Variants in CPD observed in about 807,000 individuals in gnomAD.
CPD encodes the protein carboxypeptidase D.
Under a neutral mutation model 138.3 loss-of-function variants are expected in CPD, and 69 were observed. That is an observed-to-expected ratio of 0.50 (90% CI 0.41 to 0.61). The LOEUF (loss-of-function observed/expected upper bound fraction) is 0.61, where lower values mean the gene tolerates loss of function less well. Among genes scored for constraint, CPD ranks in the 20% least tolerant of loss-of-function variants. The pLI, the probability that CPD is intolerant of heterozygous loss-of-function variation, is 0.00. For synonymous variants in CPD, 651 were observed against 642.1 expected, an observed-to-expected ratio of 1.01 and a Z score of -0.21; for missense variants, 1,432 against 1,733.3, an observed-to-expected ratio of 0.83 and a Z score of 3.09.
chr17:30,423,582 A>G lies in CPD; in HGVS notation c.1734A>G (p.Ile578Met), dbSNP rs1292100062. ...GAAGAGAACTGCTGTTGAACCTCAT[A>G]GAATACCTTTGTAAGAACTTTGGAA... The part of the protein sequence containing the change: ...VVGRELLLNL[I>M]EYLCKNFGTD... Residue 578 changes from isoleucine to methionine, a missense_variant, in exon 6 of 21, where the codon ATA becomes ATG. By Grantham distance (10) the Ile-to-Met change is conservative (BLOSUM62 1). Coordinates refer to ENST00000225719, the MANE Select transcript of CPD (RefSeq NM_001304.5). 1 of 1,612,372 alleles carries G rather than the reference A, an allele frequency of 6.2e-7. No homozygotes were observed. The highest frequency in any genetic ancestry group is 1.1e-5 in the South Asian group (1 of 90,864).
intron 8 of CPD, among the ~76,000 whole-genome samples, chr17:30,436,252 A>G (rs1006285682): frequency 3.9e-5 from 6 of 152,210 alleles, no homozygotes; most frequent in African/African-American, 4.8e-5. Flanking sequence ...AGTAGAGGCT[A>G]TCGTGAGCTA....
intron 2 of CPD, among the ~76,000 whole-genome samples, chr17:30,403,905 A>G (rs1191874931): frequency 6.6e-6 from 1 of 152,176 alleles, no homozygotes; most frequent in East Asian, 1.9e-4. Context: ...AAATTGAACT[A>G]CTTTTATTCA....
rs1046017853 is a variant in CPD at position 30,385,223 on chromosome 17, G to T, written c.981G>T (p.Trp327Cys). The change falls in exon 2 of 21, where the codon TGG (tryptophan) becomes TGT (cysteine). Residue 327 changes from tryptophan (W) to cysteine (C), a missense_variant. This residue lies in a region of CPD where 484 missense variants were observed against 477.2 expected (regional missense o/e 1.01). Transcript: ENST00000225719. ...ATGGAATCACAAACGGCGCACATTG[G>T]TATGATGTGGAAGGTATGCAAAGCA... ...FKDGITNGAHWYDVEGGMQDY... is the reference protein window; with the variant it reads ...FKDGITNGAHCYDVEGGMQDY... 6.2e-7 allele frequency: 1 copy of T among 1,613,946 alleles called. No individual in the cohort carries two copies. The highest frequency in any genetic ancestry group is 8.5e-7 in the Non-Finnish European group (1 of 1,179,888).
intron 2 of CPD, 35 bp from the exon 3 acceptor site, chr17:30,420,806 C>A: frequency 1.3e-6 from 2 of 1,560,958 alleles, no homozygotes; most frequent in Non-Finnish European, 1.7e-6. Flanking sequence ...AATTATTTTC[C>A]TTCTGAGAGT....
intron 1 of CPD, among the ~76,000 whole-genome samples, chr17:30,383,770 A>G (rs1911112772): frequency 6.6e-6 from 1 of 151,664 alleles, no homozygotes; most frequent in African/African-American, 2.4e-5. Flanking sequence ...TTATATATCA[A>G]CCCCCTTTAG....
chr17:30,433,236 T>C (rs924008677), intron 8 of CPD, among the ~76,000 whole-genome samples: 2 of 152,216 alleles, frequency 1.3e-5, no homozygotes, highest in African/African-American at 4.8e-5. Context: ...ATATGTTTTT[T>C]TGAAGTACAT....
At chr17:30,456,729 C>G (rs1913309612) in intron 17 of CPD, 1 of 462,640 alleles carries the variant, frequency 2.2e-6, no homozygotes, top group Non-Finnish European at 4.0e-6. Flanking sequence ...GTAATCCCAG[C>G]TACTTGGGAG....
intron 1 of CPD, 82 bp from the exon 2 acceptor site, chr17:30,384,907 T>C (rs1001671921): frequency 2.7e-6 from 4 of 1,488,366 alleles, no homozygotes; most frequent in South Asian, 1.3e-5. Context: ...AGTTTATTTC[T>C]AAAAGATTTT....
chr17:30,442,212 T>G, intron 9 of CPD, 96 bp from the exon 10 acceptor site: 1 of 1,139,704 alleles, frequency 8.8e-7, no homozygotes, highest in Non-Finnish European at 1.3e-6. Context: ...TGATAAGAGA[T>G]AAATTTGGCT....
intron 12 of CPD, among the ~76,000 whole-genome samples, chr17:30,446,428 T>C (rs1424395460): frequency 6.6e-6 from 1 of 152,278 alleles, no homozygotes; most frequent in African/African-American, 2.4e-5. Flanking sequence ...ATGCAGTGTT[T>C]GGTTTTTTGT....
chr17:30,419,961 G>A (rs1456427307), intron 2 of CPD, among the ~76,000 whole-genome samples: 1 of 152,196 alleles, frequency 6.6e-6, no homozygotes, highest in Non-Finnish European at 1.5e-5. Flanking sequence ...GAGGAAAGAT[G>A]ACCCTTAAAA....
At position 30,432,946 on chromosome 17, in the gene CPD, A is replaced by T. The variant is rs149832461; in HGVS notation, c.2127+1065A>T. 2.5e-3 allele frequency among the ~76,000 whole-genome samples: 377 copies of T among 152,284 alleles called. 1 individual carries two copies. Among genetic ancestry groups the T allele is most frequent in the African/African-American group, 8.7e-3 (360 of 41,574 alleles). ...AAAAATAAAAATTGTCTTAGAAAAC[A>T]TGTTAAAAGTTGAGGCTTGTAAACT... On this transcript the variant is annotated intron_variant, in intron 8 of 20. Transcript: ENST00000225719.
chr17:30,419,376 G>A (rs2143407000), intron 2 of CPD, among the ~76,000 whole-genome samples: 1 of 152,280 alleles, frequency 6.6e-6, no homozygotes, highest in Non-Finnish European at 1.5e-5. Flanking sequence ...GTCGCACTCT[G>A]TTGCCCAGGC....
intron 17 of CPD, among the ~76,000 whole-genome samples, chr17:30,457,845 C>A (rs1351513485): frequency 1.3e-5 from 2 of 151,966 alleles, no homozygotes; most frequent in Non-Finnish European, 2.9e-5. Flanking sequence ...ATTTTTAATT[C>A]TTTGTAGAGA....
In CPD at chr17:30,433,315, A is replaced by G. The variant is rs79113990; in HGVS notation, c.2127+1434A>G. On this transcript the variant is annotated intron_variant, in intron 8 of 20. Coordinates refer to ENST00000225719, the MANE Select transcript of CPD (RefSeq NM_001304.5). ...TAAAAATTAAATGGCTGGATTTTGC[A>G]TATTTTCTCATCACATTCTATGCTC... Among the ~76,000 whole-genome samples, 708 of 152,320 alleles carry G rather than the reference A, an allele frequency of 4.6e-3. 4 individuals are homozygous for G. The highest frequency in any genetic ancestry group is 0.016 in the African/African-American group (684 of 41,564).
At chr17:30,385,331 C>A (rs1911155341) in intron 2 of CPD, 95 bp downstream of exon 2, 2 of 1,411,242 alleles carry the variant, frequency 1.4e-6, no homozygotes, top group East Asian at 2.3e-5. Flanking sequence ...CTGTAGAAAT[C>A]TAACTTTAAA....
Position 30,466,803 on chromosome 17 carries a change from A to C in CPD, c.*1989A>C, listed in dbSNP as rs1597741805. The C allele has an allele frequency of 6.6e-6, 1 of 152,534 alleles. No homozygotes were observed. The highest frequency in any genetic ancestry group is 1.5e-5 in the Non-Finnish European group (1 of 67,992). 9.4% of individuals were successfully genotyped at this position (152,534 alleles called of 1,614,324 possible). On this transcript the variant is annotated 3_prime_UTR_variant, in exon 21 of 21. Transcript: ENST00000225719. ...TTACATGTACTTCTCTCTTGGATCA[A>C]ATATGTCTTTAACTGTACATCTCAG...
In CPD at chr17:30,379,665, C is replaced by A. The variant is rs530282755; in HGVS notation, c.685C>A (p.Pro229Thr). 86 of 1,521,574 alleles carry A rather than the reference C, an allele frequency of 5.7e-5. No homozygotes were observed. The highest frequency in any genetic ancestry group is 5.7e-5 in the Non-Finnish European group (66 of 1,151,378). 94.3% of individuals were successfully genotyped at this position (1,521,574 alleles called of 1,614,324 possible). A position where few individuals can be genotyped will look rare whatever the true frequency, so the allele number is the denominator to read the frequency against. ...TCCCGACCAGTTTAGCACCGGCGAACCCCCCGCCCTGGACGAGGTGCCCGA... is the reference window on the plus strand; with the variant it reads ...TCCCGACCAGTTTAGCACCGGCGAAACCCCCGCCCTGGACGAGGTGCCCGA... The part of the protein sequence containing the change: ...SFPDQFSTGE[P>T]PALDEVPEVR... Residue 229 changes from proline to threonine, a missense_variant, in exon 1 of 21, where the codon CCC becomes ACC. By Grantham distance (38) the Pro-to-Thr change is conservative. Around this residue, in one of 6 missense-constraint regions of CPD, gnomAD observed 484 missense variants for 477.2 expected, o/e 1.01. Coordinates refer to ENST00000225719, the MANE Select transcript of CPD (RefSeq NM_001304.5). The surrounding 1 kb of genome is among the most constrained non-coding windows in gnomAD (Gnocchi z 7.0).
chr17:30,428,667 A>G (rs1912485799), intron 7 of CPD, among the ~76,000 whole-genome samples: 1 of 152,160 alleles, frequency 6.6e-6, no homozygotes, highest in African/African-American at 2.4e-5. Flanking sequence ...AGGCATATCC[A>G]TAGAGACAGG....
Sources: allele counts gnomAD v4.1 joint callset (sites outside exome capture counted in the v4.1 genomes callset), GRCh38; gene constraint gnomAD v4.1.1; regional missense constraint gnomAD v4.1.1; non-coding constraint Gnocchi (gnomAD v3.1); transcripts MANE v1.5; gene names NCBI Gene and HGNC (gene_info 2026-07-23, HGNC 2026-07-21).